WDFY4: variants seen among roughly 807,000 people sequenced by gnomAD.
The protein encoded by WDFY4 is WD repeat- and FYVE domain-containing protein 4.
A neutral mutation model predicts 351.9 loss-of-function variants in WDFY4; 169 were observed. The ratio of observed to expected loss-of-function variants is 0.48; its 90% CI spans 0.42 to 0.55. The LOEUF (loss-of-function observed/expected upper bound fraction) is 0.55, where lower values mean the gene tolerates loss of function less well. Among genes scored for constraint, WDFY4 ranks in the 20% least tolerant of loss-of-function variants. WDFY4 has a pLI of 0.00. For missense variants in WDFY4, 3,803 were observed against 3,935.6 expected (o/e 0.97, Z 0.90); for synonymous variants, 1,622 against 1,574.6 (o/e 1.03, Z -0.71).
intron 1 of WDFY4, among the ~76,000 whole-genome samples, chr10:48,704,885 A>T (rs1365008598): frequency 6.6e-6 from 1 of 152,252 alleles, no homozygotes; most frequent in Non-Finnish European, 1.5e-5. Flanking sequence ...TGCACTAAGT[A>T]GGTGCCAGTA....
chr10:48,785,862 A>G (rs1450458699), intron 19 of WDFY4, among the ~76,000 whole-genome samples: 4 of 152,184 alleles, frequency 2.6e-5, no homozygotes, highest in African/African-American at 9.7e-5. Context: ...GTTTGTGTCT[A>G]CAAAAGACCT....
chr10:48,931,285 C>T (rs1382905586), intron 47 of WDFY4, among the ~76,000 whole-genome samples: 2 of 152,184 alleles, frequency 1.3e-5, no homozygotes, highest in Admixed American at 6.5e-5. Flanking sequence ...AGTCTGGTTG[C>T]CTGAGGCAGC....
chr10:48,828,927 C>T lies in WDFY4; in HGVS notation c.6340+31C>T, dbSNP rs3789321. The T allele has an allele frequency of 0.15, 9,349 of 63,446 alleles. 396 individuals are homozygous for T. Among genetic ancestry groups the T allele is most frequent in the South Asian group, 0.37 (1,262 of 3,384 alleles). The allele number at this position is 63,446 out of a possible 1,614,324, so 3.9% of individuals were successfully genotyped here. ...TTTTATTTGTCATTGTGTGTGTGGG[C>T]GGGGGGGGGGCGGGGAGGGGGTGGT... On this transcript the variant is annotated intron_variant, in intron 37 of 61. Coordinates refer to ENST00000325239, the MANE Select transcript of WDFY4 (RefSeq NM_001394531.1).
intron 35 of WDFY4, among the ~76,000 whole-genome samples, chr10:48,825,640 T>TTA (rs1224428846): frequency 2.0e-5 from 3 of 152,202 alleles, no homozygotes; most frequent in Admixed American, 2.0e-4. Context: ...TTTTTAATAA[T>TTA]CGCCATTCTG....
At chr10:48,816,895 C>G (rs1471383257) in intron 31 of WDFY4, among the ~76,000 whole-genome samples, 1 of 152,154 alleles carries the variant, frequency 6.6e-6, no homozygotes, top group Non-Finnish European at 1.5e-5. Context: ...TTGGTACAAT[C>G]AAGATCTGTG....
intron 47 of WDFY4, among the ~76,000 whole-genome samples, chr10:48,924,882 C>G (rs968395115): frequency 6.6e-6 from 1 of 152,202 alleles, no homozygotes; most frequent in Non-Finnish European, 1.5e-5. Context: ...TTTAAGCAGA[C>G]TGACTTTGTT....
intron 54 of WDFY4, among the ~76,000 whole-genome samples, chr10:48,965,902 G>A (rs960692496): frequency 6.6e-6 from 1 of 150,930 alleles, no homozygotes; most frequent in African/African-American, 2.4e-5. Flanking sequence ...CTGATATAGA[G>A]TCCAGCAGCA....
intron 39 of WDFY4, among the ~76,000 whole-genome samples, chr10:48,863,618 T>C (rs2069423056): frequency 6.6e-6 from 1 of 152,196 alleles, no homozygotes; most frequent in African/African-American, 2.4e-5. Flanking sequence ...AGACATGTAA[T>C]TTATAATTTT....
In WDFY4 at chr10:48,729,467, A is replaced by C; in HGVS notation, c.1007A>C (p.His336Pro). ...DGLTQSEVDP[H>P]LEELLGLVVW... The stretch of plus-strand genomic sequence containing the variant: ...CTGACCCAGAGCGAAGTGGACCCGC[A>C]TCTGGAGGAGCTCCTTGGGCTGGTG... Residue 336 changes from histidine to proline, a missense_variant, in exon 8 of 62, where the codon CAT becomes CCT. This residue lies in a region of WDFY4 where 488 missense variants were observed against 456.8 expected (regional missense o/e 1.07). Transcript: ENST00000325239. 1 of 1,551,508 alleles carries C rather than the reference A, an allele frequency of 6.4e-7. No individual in the cohort carries two copies.
intron 47 of WDFY4, among the ~76,000 whole-genome samples, chr10:48,937,551 C>A (rs776007699): frequency 6.6e-6 from 1 of 152,170 alleles, no homozygotes; most frequent in Non-Finnish European, 1.5e-5. Flanking sequence ...ATATCTTCAT[C>A]TGTTAATGGA....
intron 2 of WDFY4, among the ~76,000 whole-genome samples, chr10:48,711,004 C>T (rs545595186): frequency 5.2e-4 from 79 of 152,254 alleles, no homozygotes; most frequent in African/African-American, 1.8e-3. Context: ...AAAGCGTATA[C>T]CTACAAAATA....
At chr10:48,695,123 T>A (rs2063298598) in intron 1 of WDFY4, among the ~76,000 whole-genome samples, 1 of 152,238 alleles carries the variant, frequency 6.6e-6, no homozygotes, top group African/African-American at 2.4e-5. Flanking sequence ...CTGAGTGTGC[T>A]GGTATCTGTG....
chr10:48,866,099 A>G (rs1752571974), intron 39 of WDFY4, among the ~76,000 whole-genome samples: 1 of 151,934 alleles, frequency 6.6e-6, no homozygotes, highest in South Asian at 2.1e-4. Context: ...CTGCATTAAT[A>G]TTTATTTTCC....
intron 22 of WDFY4, 95 bp from the exon 23 acceptor site, chr10:48,790,632 A>T: frequency 7.2e-7 from 1 of 1,383,798 alleles, no homozygotes; most frequent in Non-Finnish European, 9.8e-7. Flanking sequence ...GGATGGTGGC[A>T]CTGGTAGCTC....
chr10:48,816,813 G>A (rs2067633737), intron 31 of WDFY4, among the ~76,000 whole-genome samples: 1 of 152,120 alleles, frequency 6.6e-6, no homozygotes. Flanking sequence ...TAGACTTGGT[G>A]AAAAACAAGA....
At chr10:48,867,999 A>G (rs2069613994) in intron 40 of WDFY4, among the ~76,000 whole-genome samples, 1 of 152,184 alleles carries the variant, frequency 6.6e-6, no homozygotes, top group Non-Finnish European at 1.5e-5. Flanking sequence ...TGCCCACAAT[A>G]CATGGTGATG....
At chr10:48,789,809 G>A in intron 21 of WDFY4, 65 bp from the exon 22 acceptor site, 1 of 1,489,090 alleles carries the variant, frequency 6.7e-7, no homozygotes, top group Non-Finnish European at 9.2e-7. Context: ...CCCTCCAGGA[G>A]CTCGTGGACA....
At chr10:48,799,282 T>G (rs1164450826) in intron 24 of WDFY4, among the ~76,000 whole-genome samples, 1 of 151,670 alleles carries the variant, frequency 6.6e-6, no homozygotes, top group Non-Finnish European at 1.5e-5. Flanking sequence ...CAAAGCAAAG[T>G]GAAACAAAAT....
chr10:48,956,390 GCCAA>G (rs1841590496), intron 51 of WDFY4, among the ~76,000 whole-genome samples: 1 of 152,090 alleles, frequency 6.6e-6, no homozygotes, highest in Non-Finnish European at 1.5e-5. Flanking sequence ...TCTTATCGAA[GCCAA>G]GACCCCTGGT....
Sources: allele counts gnomAD v4.1 joint callset (sites outside exome capture counted in the v4.1 genomes callset), GRCh38; gene constraint gnomAD v4.1.1; regional missense constraint gnomAD v4.1.1; transcripts MANE v1.5; gene names NCBI Gene and HGNC (gene_info 2026-07-23, HGNC 2026-07-21).